Variants in DDX10 observed in about 807,000 individuals in gnomAD.
DDX10 encodes the protein probable ATP-dependent RNA helicase DDX10.
DDX10 carries 74 observed loss-of-function variants against 104.3 expected under a neutral mutation model. The observed-to-expected ratio is 0.71, with a 90% CI of 0.59 to 0.86. DDX10 has a LOEUF of 0.86. DDX10 is among the 40% of genes least tolerant of loss of function. DDX10 has a pLI of 0.00. For missense variants in DDX10, 952 were observed against 1,040.0 expected (o/e 0.92, Z 1.16); for synonymous variants, 351 against 353.4 (o/e 0.99, Z 0.08).
rs573733381 is a variant in DDX10, at chr11:108,761,322, C to G, written c.1965+37860C>G. On this transcript the variant is annotated intron_variant, in intron 13 of 17. Transcript: ENST00000322536. ...AAATGTTAATATTACTTGTGTTTTT[C>G]CTTTTGGAGAACAGTAGTAGTCTAG... Among the ~76,000 whole-genome samples, 8 of 152,104 alleles carry G rather than the reference C, an allele frequency of 5.3e-5. No homozygotes were observed. In the East Asian group the frequency reaches 1.5e-3, roughly 29 times the overall value.
At chr11:108,843,941 G>C (rs975168991) in intron 15 of DDX10, among the ~76,000 whole-genome samples, 1 of 152,086 alleles carries the variant, frequency 6.6e-6, no homozygotes, top group Non-Finnish European at 1.5e-5. Context: ...GTGTATCGTT[G>C]TGCACTTTTC....
In DDX10 at chr11:108,887,494, G is replaced by A. The variant is rs375672754; in HGVS notation, c.2305-30379G>A. On this transcript the variant is annotated intron_variant, in intron 16 of 17. Transcript: ENST00000322536. ...AAAAAAAAGAAAAAACTGTGGTACA[G>A]CAAGTTTGTTAACGCTCTGAGCAGA... 8.6e-4 allele frequency among the ~76,000 whole-genome samples: 130 copies of A among 150,618 alleles called. 5 individuals are homozygous for A. The South Asian group carries it at 0.027, about 31-fold the overall frequency.
chr11:108,824,441 T>A (rs1862368786), intron 13 of DDX10, among the ~76,000 whole-genome samples: 1 of 152,240 alleles, frequency 6.6e-6, no homozygotes, highest in South Asian at 2.1e-4. Context: ...TTACTTTTAA[T>A]GTTACTGCTT....
chr11:108,694,146 GA>G (rs1289283376), intron 9 of DDX10, among the ~76,000 whole-genome samples: 1 of 152,110 alleles, frequency 6.6e-6, no homozygotes, highest in East Asian at 1.9e-4. Context: ...TAAAACTTAT[GA>G]ATTGTTTATT....
chr11:108,768,645 A>G (rs991190228), intron 13 of DDX10, among the ~76,000 whole-genome samples: 1 of 152,218 alleles, frequency 6.6e-6, no homozygotes, highest in African/African-American at 2.4e-5. Context: ...AACTAAGTCT[A>G]AGATTAAGCA....
At position 108,665,337 on chromosome 11, in the gene DDX10, A is replaced by G; in HGVS notation, c.184A>G (p.Lys62Glu). ...CAGCCGCCTCATGCAGAACTATGAA[A>G]AGGTGAGGCCGGCGCTGGGGAGGGG... ...SISRLMQNYE[K>E]INVNEITRFS... Residue 62 changes from lysine to glutamate, a missense_variant and splice_region_variant, in exon 1 of 18, where the codon AAG (lysine) becomes GAG (glutamate). Coordinates refer to ENST00000322536, the MANE Select transcript of DDX10 (RefSeq NM_004398.4). 1 of 1,577,204 alleles carries G rather than the reference A, an allele frequency of 6.3e-7. No homozygotes were observed. Among genetic ancestry groups the G allele is most frequent in the East Asian group, 2.4e-5 (1 of 41,884 alleles).
chr11:108,712,608 A>T (rs1326976097), intron 10 of DDX10, among the ~76,000 whole-genome samples: 1 of 152,130 alleles, frequency 6.6e-6, no homozygotes, highest in Non-Finnish European at 1.5e-5. Context: ...TATATCATTG[A>T]TGTCATTCAT....
intron 13 of DDX10, among the ~76,000 whole-genome samples, chr11:108,748,765 T>C (rs1054961745): frequency 5.9e-5 from 9 of 152,236 alleles, no homozygotes; most frequent in African/African-American, 1.9e-4. Context: ...ACTGCAGCCA[T>C]GAACTCCTGA....
At chr11:108,906,536 T>G (rs569818215) in intron 16 of DDX10, among the ~76,000 whole-genome samples, 8 of 152,346 alleles carry the variant, frequency 5.3e-5, no homozygotes, top group African/African-American at 1.9e-4. Flanking sequence ...AGAAGCTTCC[T>G]GAGTTCATGG....
intron 17 of DDX10, among the ~76,000 whole-genome samples, chr11:108,931,752 A>G (rs551037817): frequency 6.6e-6 from 1 of 152,340 alleles, no homozygotes; most frequent in Non-Finnish European, 1.5e-5. Context: ...ACCTTTTAGG[A>G]AACTAAAGAT....
chr11:108,803,275 A>T (rs1430691781), intron 13 of DDX10, among the ~76,000 whole-genome samples: 5 of 116,336 alleles, frequency 4.3e-5, no homozygotes, highest in Non-Finnish European at 3.8e-5. Flanking sequence ...TTTTTTTTTT[A>T]AAGAACCTTG....
intron 13 of DDX10, among the ~76,000 whole-genome samples, chr11:108,760,682 T>G (rs545807484): frequency 1.2e-3 from 181 of 151,928 alleles, no homozygotes; most frequent in Non-Finnish European, 2.2e-3. Flanking sequence ...ACTGTTTTTT[T>G]TTTTTTTTTT....
At chr11:108,871,981 A>G (rs1863088818) in intron 16 of DDX10, among the ~76,000 whole-genome samples, 2 of 152,186 alleles carry the variant, frequency 1.3e-5, no homozygotes, top group South Asian at 2.1e-4. Context: ...TTGTTTATGT[A>G]TAAAGGAGTT....
At chr11:108,698,750 C>T (rs2094263355) in intron 9 of DDX10, among the ~76,000 whole-genome samples, 1 of 152,180 alleles carries the variant, frequency 6.6e-6, no homozygotes, top group Admixed American at 6.5e-5. Context: ...GATGGCATAC[C>T]ATTTCACTCA....
At chr11:108,755,643 A>G (rs1209277268) in intron 13 of DDX10, among the ~76,000 whole-genome samples, 1 of 151,964 alleles carries the variant, frequency 6.6e-6, no homozygotes, top group Non-Finnish European at 1.5e-5. Context: ...CTCTTTTCCC[A>G]GTTAGATGAT....
chr11:108,692,120 A>C, intron 8 of DDX10, 82 bp downstream of exon 8: 1 of 1,265,792 alleles, frequency 7.9e-7, no homozygotes. Context: ...GAAATCTGAT[A>C]GACTCAAACA....
intron 13 of DDX10, among the ~76,000 whole-genome samples, chr11:108,787,226 G>T (rs1281889987): frequency 6.6e-6 from 1 of 152,136 alleles, no homozygotes; most frequent in Non-Finnish European, 1.5e-5. Flanking sequence ...TAAACTGATG[G>T]CGTTCCCTCT....
At chr11:108,926,054 G>T (rs1863904365) in intron 17 of DDX10, among the ~76,000 whole-genome samples, 1 of 152,178 alleles carries the variant, frequency 6.6e-6, no homozygotes, top group South Asian at 2.1e-4. Flanking sequence ...TGGATGGGAT[G>T]TGTTTCTGAG....
chr11:108,907,332 C>CTG (rs1863610292), intron 16 of DDX10, among the ~76,000 whole-genome samples: 1 of 145,034 alleles, frequency 6.9e-6, no homozygotes. Context: ...TCCATTGCCT[C>CTG]TTTTTTTTTT....
Sources: allele counts gnomAD v4.1 joint callset (sites outside exome capture counted in the v4.1 genomes callset), GRCh38; gene constraint gnomAD v4.1.1; transcripts MANE v1.5; gene names NCBI Gene and HGNC (gene_info 2026-07-23, HGNC 2026-07-21).